Variants in PDE3A observed in about 807,000 individuals in gnomAD.
PDE3A encodes the protein phosphodiesterase 3A, also known as cGMP-inhibited 3',5'-cyclic phosphodiesterase 3A.
PDE3A carries 43 observed loss-of-function variants against 98.3 expected under a neutral mutation model. That is an observed-to-expected ratio of 0.44 (90% CI 0.34 to 0.56). The LOEUF (loss-of-function observed/expected upper bound fraction) is 0.56. PDE3A is among the 20% of genes least tolerant of loss of function. The pLI is 0.01. For missense variants in PDE3A, 1,427 were observed against 1,440.7 expected, an observed-to-expected ratio of 0.99 and a Z score of 0.15; for synonymous variants, 663 against 567.9, an observed-to-expected ratio of 1.17 and a Z score of -2.38.
intron 1 of PDE3A, among the ~76,000 whole-genome samples, chr12:20,530,141 C>T (rs1462702677): frequency 1.3e-5 from 2 of 152,212 alleles, no homozygotes; most frequent in East Asian, 1.9e-4. Flanking sequence ...GAAAGTTATT[C>T]GATCATTTCT....
intron 13 of PDE3A, 83 bp downstream of exon 13, chr12:20,648,974 G>A: frequency 1.2e-6 from 1 of 819,756 alleles, no homozygotes; most frequent in Non-Finnish European, 1.9e-6. Flanking sequence ...CGCCCAGACT[G>A]GAGTGCAGTG....
At chr12:20,569,513 G>A (rs933733548) in intron 2 of PDE3A, among the ~76,000 whole-genome samples, 1 of 152,156 alleles carries the variant, frequency 6.6e-6, no homozygotes, top group Non-Finnish European at 1.5e-5. Flanking sequence ...CAGGATAAGA[G>A]AAGAATTGTA....
At chr12:20,486,661 T>C (rs760369488) in intron 1 of PDE3A, among the ~76,000 whole-genome samples, 8 of 152,188 alleles carry the variant, frequency 5.3e-5, no homozygotes, top group Non-Finnish European at 1.0e-4. Context: ...TGAGACAGAG[T>C]CTTGCTCTGT....
In PDE3A at chr12:20,524,952, C is replaced by T. The variant is rs549633889; in HGVS notation, c.961-31708C>T. Among the ~76,000 whole-genome samples, 8 of 152,150 alleles carry T rather than the reference C, an allele frequency of 5.3e-5. No homozygotes were observed. The South Asian group carries it at 1.5e-3, about 28-fold the overall frequency. ...TAGTTCAAGACCAGCCTGACCAACA[C>T]GGAGAAACCCCGTCTCTGCTAAAAA... On this transcript the variant is annotated intron_variant, in intron 1 of 15. Transcript: ENST00000359062.
At chr12:20,674,398 T>G (rs1208851139) in intron 15 of PDE3A, among the ~76,000 whole-genome samples, 1 of 152,208 alleles carries the variant, frequency 6.6e-6, no homozygotes, top group East Asian at 1.9e-4. Flanking sequence ...GGCTTTCAAC[T>G]TTCCACATTC....
rs1315411859 is a variant in PDE3A at position 20,671,854 on chromosome 12, A to T, written c.3185-8176A>T. On this transcript the variant is annotated intron_variant, in intron 15 of 15. Coordinates refer to ENST00000359062, the MANE Select transcript of PDE3A (RefSeq NM_000921.5). ...AGTGTTGGAAGTTCTGGCCAAGGCAATTAGGCAGGAGAAGGAAATAAAGGG... is the reference window on the plus strand; with the variant it reads ...AGTGTTGGAAGTTCTGGCCAAGGCATTTAGGCAGGAGAAGGAAATAAAGGG... Among the ~76,000 whole-genome samples, 1,343 of 148,260 alleles carry T rather than the reference A, an allele frequency of 9.1e-3. 19 individuals are homozygous for T. The highest frequency in any genetic ancestry group is 0.032 in the African/African-American group (1,279 of 40,062).
At chr12:20,386,172 A>AAATATATAACAATATATAT (rs1943791197) in intron 1 of PDE3A, among the ~76,000 whole-genome samples, 1 of 47,118 alleles carries the variant, frequency 2.1e-5, no homozygotes, top group Non-Finnish European at 3.8e-5. Flanking sequence ...TAAATATATA[A>AAATATATAACAATATATAT]AAATATATAT....
chr12:20,369,279 T>G lies in PDE3A; in HGVS notation c.-6T>G, dbSNP rs113972487. 3.3e-3 allele frequency: 4,935 copies of G among 1,508,492 alleles called. 144 individuals carry two copies. The African/African-American group carries it at 0.061, about 19-fold the overall frequency. The allele number at this position is 1,508,492 out of a possible 1,614,324, so 93.4% of individuals were successfully genotyped here. On this transcript the variant is annotated 5_prime_UTR_variant, in exon 1 of 16. Coordinates refer to ENST00000359062, the MANE Select transcript of PDE3A (RefSeq NM_000921.5). ...TGGGAATTCAGTGAAGAGGGCACCC[T>G]ATACCATGGCAGTGCCCGGCGACGC... is the stretch of plus-strand genomic sequence containing the variant.
At chr12:20,416,850 T>C (rs911722364) in intron 1 of PDE3A, among the ~76,000 whole-genome samples, 59 of 152,166 alleles carry the variant, frequency 3.9e-4, no homozygotes, top group Non-Finnish European at 2.4e-4. Context: ...AGGAACTTCC[T>C]TTAGGAACAG....
chr12:20,383,173 TA>T (rs1345774223), intron 1 of PDE3A, among the ~76,000 whole-genome samples: 10 of 151,954 alleles, frequency 6.6e-5, no homozygotes, highest in Admixed American at 5.3e-4. Flanking sequence ...GTCGGTTGTG[TA>T]GTGTGTCCTA....
In PDE3A at chr12:20,552,264, C is replaced by G. The variant is rs1340322021; in HGVS notation, c.961-4396C>G. The G allele has an allele frequency of 1.9e-6, 3 of 1,613,902 alleles. No individual in the cohort carries two copies. The highest frequency in any genetic ancestry group is 2.5e-6 in the Non-Finnish European group (3 of 1,179,864). ...GCAATGTCAAGGGTGGCAAGAATAG[C>G]AAGTACGCCCCCGCTGAGGGCAACC... is the stretch of plus-strand genomic sequence containing the variant. On this transcript the variant is annotated intron_variant, in intron 1 of 15. Transcript: ENST00000359062. This position sits in a 1 kb window ranked among gnomAD's most constrained non-coding sequence, Gnocchi z 5.1.
chr12:20,368,846 G>C lies in PDE3A; in HGVS notation c.-439G>C, dbSNP rs1215042414. The stretch of plus-strand genomic sequence containing the variant: ...GAGCTGCGCCTCGGAATGGCCCGGA[G>C]CCCGCCCTGCGCCCCCGGCTCCTCC... On this transcript the variant is annotated 5_prime_UTR_variant, in exon 1 of 16. Coordinates refer to ENST00000359062, the MANE Select transcript of PDE3A (RefSeq NM_000921.5). Among the ~76,000 whole-genome samples, 2 of 151,978 alleles carry C rather than the reference G, an allele frequency of 1.3e-5. No individual in the cohort carries two copies. Among genetic ancestry groups the C allele is most frequent in the Admixed American group, 1.3e-4 (2 of 15,272 alleles).
At chr12:20,617,477 T>A (rs1441787354) in intron 4 of PDE3A, among the ~76,000 whole-genome samples, 8 of 152,164 alleles carry the variant, frequency 5.3e-5, no homozygotes, top group Non-Finnish European at 1.2e-4. Flanking sequence ...AGAGATTATG[T>A]AGTGTTTCAT....
At chr12:20,464,897 CA>C (rs1945314214) in intron 1 of PDE3A, among the ~76,000 whole-genome samples, 1 of 152,144 alleles carries the variant, frequency 6.6e-6, no homozygotes, top group Non-Finnish European at 1.5e-5. Flanking sequence ...TTAGGATAAA[CA>C]TTCTCACCAC....
At chr12:20,572,479 C>G (rs1009221057) in intron 2 of PDE3A, among the ~76,000 whole-genome samples, 1 of 151,948 alleles carries the variant, frequency 6.6e-6, no homozygotes, top group Non-Finnish European at 1.5e-5. Context: ...AAATGAAAAC[C>G]AGATCTTTCC....
In PDE3A at chr12:20,479,072, CAGTT is replaced by C. The variant is rs144091648; in HGVS notation, c.961-77583_961-77580del. ...TCTCTACTTTTGCTTAGAAAAATGA[CAGTT>C]AGTTTGGAATTCATTTTTGATTTTT... On this transcript the variant is annotated intron_variant, in intron 1 of 15. Coordinates refer to ENST00000359062, the MANE Select transcript of PDE3A (RefSeq NM_000921.5). Among the ~76,000 whole-genome samples the C allele has an allele frequency of 3.3e-3, 506 of 152,196 alleles. 4 individuals are homozygous for C. The highest frequency in any genetic ancestry group is 0.012 in the African/African-American group (481 of 41,538).
intron 1 of PDE3A, among the ~76,000 whole-genome samples, chr12:20,488,002 A>G (rs1945761028): frequency 6.6e-6 from 1 of 152,218 alleles, no homozygotes; most frequent in Admixed American, 6.5e-5. Flanking sequence ...TTAAAAATAA[A>G]AGCATAATGC....
At chr12:20,625,499 C>A (rs4369457) in intron 5 of PDE3A, among the ~76,000 whole-genome samples, 32,984 of 151,922 alleles carry the variant, frequency 0.22, 3,726 homozygotes, top group Admixed American at 0.24. Flanking sequence ...TATTGTGATT[C>A]TTCTTCTTTG....
chr12:20,522,346 C>T (rs1277464219), intron 1 of PDE3A, among the ~76,000 whole-genome samples: 8 of 152,120 alleles, frequency 5.3e-5, no homozygotes, highest in African/African-American at 9.7e-5. Flanking sequence ...CTCAAGTCCC[C>T]GGCCTAGACC....
Sources: allele counts gnomAD v4.1 joint callset (sites outside exome capture counted in the v4.1 genomes callset), GRCh38; gene constraint gnomAD v4.1.1; non-coding constraint Gnocchi (gnomAD v3.1); transcripts MANE v1.5; gene names NCBI Gene and HGNC (gene_info 2026-07-23, HGNC 2026-07-21).